The following DPP6 variants were observed in gnomAD, a reference collection of about 807,000 sequenced individuals.
DPP6 encodes A-type potassium channel modulatory protein DPP6.
In DPP6, 69 loss-of-function variants were observed where a neutral mutation model predicts 122.6. The ratio of observed to expected loss-of-function variants is 0.56; its 90% CI spans 0.46 to 0.69. The LOEUF is 0.69. Ranked by LOEUF, DPP6 falls within the 30% of genes least tolerant of loss-of-function variation. DPP6 has a pLI of 0.00. For synonymous variants in DPP6, 418 were observed against 433.1 expected (o/e 0.97, Z 0.43); for missense variants, 928 against 1,116.9 (o/e 0.83, Z 2.41).
chr7:154,630,001 A>T (rs1586768124), intron 5 of DPP6, among the ~76,000 whole-genome samples: 1 of 107,516 alleles, frequency 9.3e-6, no homozygotes, highest in Admixed American at 9.7e-5. Context: ...GAATTTAGAA[A>T]AGAGTGTTTT....
chr7:154,032,053 G>A (rs1446621582), intron 1 of DPP6, among the ~76,000 whole-genome samples: 5 of 142,060 alleles, frequency 3.5e-5, no homozygotes, highest in African/African-American at 1.4e-4. Flanking sequence ...TGTATTTTTA[G>A]TAGAGACGGG....
At chr7:154,552,366 G>C (rs910007653) in intron 4 of DPP6, among the ~76,000 whole-genome samples, 1 of 152,170 alleles carries the variant, frequency 6.6e-6, no homozygotes, top group Non-Finnish European at 1.5e-5. Context: ...CCTTGGATTG[G>C]TAAGAGGGAT....
chr7:154,323,947 G>A (rs908484279), intron 1 of DPP6, among the ~76,000 whole-genome samples: 1 of 152,148 alleles, frequency 6.6e-6, no homozygotes, highest in African/African-American at 2.4e-5. Context: ...CAGTACAGGT[G>A]AAAACTACAA....
intron 3 of DPP6, among the ~76,000 whole-genome samples, chr7:154,518,325 A>G (rs1009478832): frequency 6.6e-6 from 1 of 152,210 alleles, no homozygotes; most frequent in Admixed American, 6.5e-5. Flanking sequence ...TCAAGCTTAG[A>G]TAAACACTTG....
chr7:153,962,119 C>T (rs1795384558), intron 1 of DPP6, among the ~76,000 whole-genome samples: 1 of 151,564 alleles, frequency 6.6e-6, no homozygotes. Context: ...AGGATAAAGG[C>T]AGCATGAATG....
chr7:154,495,607 C>A (rs964869335), intron 3 of DPP6, among the ~76,000 whole-genome samples: 18 of 152,110 alleles, frequency 1.2e-4, no homozygotes, highest in African/African-American at 4.3e-4. Context: ...CCAGGCTGGT[C>A]TCCAACTCCT....
At chr7:154,128,552 C>G (rs987687073) in intron 1 of DPP6, among the ~76,000 whole-genome samples, 1 of 152,106 alleles carries the variant, frequency 6.6e-6, no homozygotes, top group Non-Finnish European at 1.5e-5. Flanking sequence ...CAGGCGCCCG[C>G]CACCGCGCCT....
At chr7:153,854,251 T>G in the DPP6 span, among the ~76,000 whole-genome samples, 7 of 152,170 alleles carry the variant, frequency 4.6e-5, no homozygotes, top group South Asian at 1.5e-3. Context: ...TACTGTAGCC[T>G]TGTAGTATAG....
chr7:153,925,046 C>A (rs1353968080), intron 1 of DPP6, among the ~76,000 whole-genome samples: 3 of 152,166 alleles, frequency 2.0e-5, no homozygotes, highest in Non-Finnish European at 4.4e-5. Context: ...CAGAAGCCTG[C>A]TGATCGACCC....
chr7:154,310,179 C>T (rs548714682), intron 1 of DPP6, among the ~76,000 whole-genome samples: 1 of 152,298 alleles, frequency 6.6e-6, no homozygotes, highest in African/African-American at 2.4e-5. Context: ...GGTCCTTGAG[C>T]TGATGGGGAG....
At chr7:153,931,617 T>C (rs1200194584) in intron 1 of DPP6, among the ~76,000 whole-genome samples, 1 of 152,240 alleles carries the variant, frequency 6.6e-6, no homozygotes, top group Non-Finnish European at 1.5e-5. Flanking sequence ...GTGGAGGGCC[T>C]CCGAGGCTGC....
intron 1 of DPP6, among the ~76,000 whole-genome samples, chr7:154,147,390 T>C (rs187443237): frequency 1.3e-3 from 195 of 152,312 alleles, no homozygotes; most frequent in African/African-American, 4.2e-3. Flanking sequence ...AAACTGTTCA[T>C]TGTTAACCAC....
rs531815994 is a variant in DPP6 at position 153,906,255 on chromosome 7, A to T, written c.51+18521A>T. 3.3e-5 allele frequency among the ~76,000 whole-genome samples: 5 copies of T among 152,294 alleles called. No individual in the cohort carries two copies. The South Asian group carries it at 1.0e-3, about 32-fold the overall frequency. ...AAGTGCAGTTGTGTTACGCGGATAT[A>T]GTGTGTGGTGGTGAAGTCTGGGCTT... On this transcript the variant is annotated intron_variant, in intron 1 of 25. Coordinates refer to the DPP6 transcript ENST00000404039.
At chr7:153,942,954 G>A (rs1367053505) in intron 1 of DPP6, among the ~76,000 whole-genome samples, 1 of 152,160 alleles carries the variant, frequency 6.6e-6, no homozygotes, top group Non-Finnish European at 1.5e-5. Flanking sequence ...ACTTCTCTCT[G>A]ATGCATGGTT....
At chr7:153,928,530 T>A (rs1801028106) in intron 1 of DPP6, among the ~76,000 whole-genome samples, 1 of 149,662 alleles carries the variant, frequency 6.7e-6, no homozygotes, top group Non-Finnish European at 1.5e-5. Context: ...GTGGGAGCCA[T>A]TGCGCCCACG....
rs140669574 is a variant in DPP6, at chr7:154,376,892, T to G, written c.244-69322T>G. Among the ~76,000 whole-genome samples the G allele has an allele frequency of 3.3e-3, 496 of 152,298 alleles. 11 individuals are homozygous for G. Among genetic ancestry groups the G allele is most frequent in the Admixed American group, 0.025 (386 of 15,298 alleles). ...GAGAAATTGTTTGGTACAGTAGAAA[T>G]CATATAGTTTCCCAGCATTTGGCTC... On this transcript the variant is annotated intron_variant, in intron 1 of 25. Coordinates refer to ENST00000377770, the MANE Select transcript of DPP6 (RefSeq NM_130797.4).
Position 154,877,522 on chromosome 7 carries a change from C to T in DPP6, c.2078+1422C>T, listed in dbSNP as rs6950456. 0.098 allele frequency among the ~76,000 whole-genome samples: 14,961 copies of T among 152,150 alleles called. 1,704 individuals carry two copies. Among genetic ancestry groups the T allele is most frequent in the African/African-American group, 0.25 (10,512 of 41,464 alleles). On this transcript the variant is annotated intron_variant, in intron 20 of 25. Coordinates refer to ENST00000377770, the MANE Select transcript of DPP6 (RefSeq NM_130797.4). The surrounding 1 kb of genome is among the most constrained non-coding windows in gnomAD (Gnocchi z 5.2). ...ATCCAGACACCAACAATGTCACCAACGACCCAGGCTCTCTCCGTCTCTCCG... is the reference window on the plus strand; with the variant it reads ...ATCCAGACACCAACAATGTCACCAATGACCCAGGCTCTCTCCGTCTCTCCG...
intron 1 of DPP6, among the ~76,000 whole-genome samples, chr7:154,153,094 G>A (rs1796505029): frequency 6.6e-6 from 1 of 152,252 alleles, no homozygotes; most frequent in Non-Finnish European, 1.5e-5. Flanking sequence ...GAACGAGTCT[G>A]CCTTCTGGGT....
At chr7:154,615,848 A>G (rs776346544) in intron 5 of DPP6, among the ~76,000 whole-genome samples, 1 of 152,156 alleles carries the variant, frequency 6.6e-6, no homozygotes, top group Non-Finnish European at 1.5e-5. Context: ...CTTTTTCATC[A>G]TCCACAACAG....
Sources: allele counts gnomAD v4.1 joint callset (sites outside exome capture counted in the v4.1 genomes callset), GRCh38; gene constraint gnomAD v4.1.1; non-coding constraint Gnocchi (gnomAD v3.1); transcripts MANE v1.5; gene names NCBI Gene and HGNC (gene_info 2026-07-23, HGNC 2026-07-21).